NOSIP: variants seen among roughly 807,000 people sequenced by gnomAD.
NOSIP encodes the protein nitric oxide synthase interacting protein, also known as nitric oxide synthase-interacting protein.
In NOSIP, 25 loss-of-function variants were observed where a neutral mutation model predicts 36.4. The ratio of observed to expected loss-of-function variants is 0.69; its 90% CI spans 0.50 to 0.96. The LOEUF is 0.96. Ranked by LOEUF, NOSIP falls within the 40% of genes least tolerant of loss-of-function variation. The pLI, the probability that NOSIP is intolerant of heterozygous loss-of-function variation, is 0.00. For synonymous variants in NOSIP, 187 were observed against 179.2 expected, an observed-to-expected ratio of 1.04 and a Z score of -0.35; for missense variants, 370 against 429.0, an observed-to-expected ratio of 0.86 and a Z score of 1.21.
chr19:49,562,634 A>G (rs917043961), intron 1 of NOSIP, among the ~76,000 whole-genome samples: 7 of 152,116 alleles, frequency 4.6e-5, no homozygotes, highest in African/African-American at 1.7e-4. Context: ...TAATCCCAGC[A>G]CTTTGGGAAG....
chr19:49,568,440 C>T (rs73934007), intron 1 of NOSIP, among the ~76,000 whole-genome samples: 16,755 of 144,546 alleles, frequency 0.12, 2,462 homozygotes, highest in African/African-American at 0.33. Flanking sequence ...TGTGTATTCC[C>T]ACACACACAC....
At chr19:49,579,792 A>G (rs1396571796) in intron 1 of NOSIP, among the ~76,000 whole-genome samples, 1 of 152,204 alleles carries the variant, frequency 6.6e-6, no homozygotes, top group Non-Finnish European at 1.5e-5. Flanking sequence ...TTAAAAAAAT[A>G]CAGCAAGTAT....
rs370113967 is a variant in NOSIP, at chr19:49,555,560, G to C, written c.*191C>G. On this transcript the variant is annotated 3_prime_UTR_variant, in exon 9 of 9. Transcript: ENST00000596358. ...AGGCGTGAGCCACCGTGCCTGGCCA[G>C]ATTTTGTTCTTAATGTGAGACCACA... Among the ~76,000 whole-genome samples the C allele has an allele frequency of 1.8e-4, 28 of 152,298 alleles. No individual in the cohort carries two copies. The highest frequency in any genetic ancestry group is 1.3e-3 in the Admixed American group (20 of 15,288).
chr19:49,555,832 G>A lies in NOSIP; in HGVS notation c.835-10C>T, dbSNP rs766703408. 2 of 1,611,966 alleles carry A rather than the reference G, an allele frequency of 1.2e-6. No homozygotes were observed. Among genetic ancestry groups the A allele is most frequent in the Non-Finnish European group, 1.7e-6 (2 of 1,178,630 alleles). ...CGAAGCCGGTACCGCCCTGGGGGAG[G>A]TAGAGAGAAGGACGAGGTAGAGGCC... On this transcript the variant is annotated splice_polypyrimidine_tract_variant and intron_variant, in intron 8 of 8. Coordinates refer to ENST00000596358, the MANE Select transcript of NOSIP (RefSeq NM_001270960.2).
intron 4 of NOSIP, chr19:49,558,554 C>G: frequency 4.5e-6 from 1 of 220,302 alleles, no homozygotes; most frequent in Middle Eastern, 1.7e-3. Flanking sequence ...CCACCACCCC[C>G]GACCCATTTA....
intron 1 of NOSIP, among the ~76,000 whole-genome samples, chr19:49,571,839 G>T (rs565278868): frequency 7.4e-4 from 113 of 151,822 alleles, no homozygotes; most frequent in Admixed American, 1.6e-3. Flanking sequence ...ACAAAAATTA[G>T]CTGGGTGTGT....
intron 1 of NOSIP, among the ~76,000 whole-genome samples, chr19:49,573,407 C>T (rs150983984): frequency 2.0e-5 from 3 of 152,290 alleles, no homozygotes; most frequent in Non-Finnish European, 4.4e-5. Flanking sequence ...GAGCTACCTC[C>T]GTTACAGCCC....
At position 49,556,572 on chromosome 19, in the gene NOSIP, GGTGGC is replaced by G. The variant is rs1568720484; in HGVS notation, c.697_701del (p.Ala233ProfsTer120). 6.2e-7 allele frequency: 1 copy of G among 1,606,120 alleles called. No homozygotes were observed. Among genetic ancestry groups the G allele is most frequent in the Admixed American group, 1.7e-5 (1 of 59,976 alleles). ...ACGAGGGCCGCAGCACAGCGCAGGG[GGTGGC>G]GTTGCTCAGGCTGTCGCGGGTCACG... On this transcript the variant is annotated frameshift_variant, in exon 7 of 9. Transcript: ENST00000596358. LOFTEE classifies it high-confidence loss of function.
intron 1 of NOSIP, among the ~76,000 whole-genome samples, chr19:49,575,948 G>T (rs527567706): frequency 6.6e-6 from 1 of 152,182 alleles, no homozygotes; most frequent in East Asian, 1.9e-4. Context: ...TGACTAACAC[G>T]GTGAAACCCC....
chr19:49,556,643 G>T lies in NOSIP; in HGVS notation c.631C>A (p.Arg211Ser). Residue 211 changes from arginine to serine, a missense_variant, in exon 7 of 9, where the codon CGC becomes AGC. Around this residue, in one of 3 missense-constraint regions of NOSIP, gnomAD observed 315 missense variants for 331.9 expected, o/e 0.95. Transcript: ENST00000596358. The stretch of plus-strand genomic sequence containing the variant: ...TCGCTGCGGGTGATGAGCCCCACGC[G>T]GTCCACGGAGCTGTCTAGCGGTGTG... ...HFTPLDSSVDRVGLITRSERY... is the reference protein window; with the variant it reads ...HFTPLDSSVDSVGLITRSERY... 6.2e-7 allele frequency: 1 copy of T among 1,610,654 alleles called. No individual in the cohort carries two copies.
At chr19:49,563,429 C>T (rs2080361506) in intron 1 of NOSIP, among the ~76,000 whole-genome samples, 1 of 151,980 alleles carries the variant, frequency 6.6e-6, no homozygotes, top group Admixed American at 6.6e-5. Flanking sequence ...CCTGGCCTCC[C>T]AAAGTGTTGG....
intron 1 of NOSIP, among the ~76,000 whole-genome samples, chr19:49,569,686 T>C (rs576701508): frequency 6.6e-6 from 1 of 151,776 alleles, no homozygotes; most frequent in Non-Finnish European, 1.5e-5. Flanking sequence ...CAGGCGCCTG[T>C]AATCTCAGCT....
chr19:49,558,789 G>A, intron 4 of NOSIP, 108 bp downstream of exon 4: 5 of 906,630 alleles, frequency 5.5e-6, no homozygotes, highest in Non-Finnish European at 9.1e-6. Context: ...GGGGAATGGT[G>A]TACCAGGCAG....
At chr19:49,578,810 C>G (rs1176654544) in intron 1 of NOSIP, among the ~76,000 whole-genome samples, 1 of 151,786 alleles carries the variant, frequency 6.6e-6, no homozygotes, top group African/African-American at 2.4e-5. Context: ...TCATGCCCGG[C>G]TAAGGGGTTT....
In NOSIP at chr19:49,555,825, G is replaced by C. The variant is rs796399047; in HGVS notation, c.835-3C>G. 3 of 1,612,278 alleles carry C rather than the reference G, an allele frequency of 1.9e-6. No individual in the cohort carries two copies. The highest frequency in any genetic ancestry group is 1.3e-5 in the African/African-American group (1 of 74,976). Reference sequence around the variant, plus strand: ...GAGCCCGCGAAGCCGGTACCGCCCTGGGGGAGGTAGAGAGAAGGACGAGGT... The same window carrying C: ...GAGCCCGCGAAGCCGGTACCGCCCTCGGGGAGGTAGAGAGAAGGACGAGGT... On this transcript the variant is annotated splice_polypyrimidine_tract_variant and splice_region_variant and intron_variant, in intron 8 of 8. Transcript: ENST00000596358.
chr19:49,561,241 T>C (rs1000546902), intron 1 of NOSIP, among the ~76,000 whole-genome samples: 2 of 152,180 alleles, frequency 1.3e-5, no homozygotes, highest in East Asian at 3.8e-4. Flanking sequence ...GCTGTGATTA[T>C]GTCTCAGATC....
rs530379193 is a variant in NOSIP, at chr19:49,559,916, T to A, written c.176+18A>T. ...TGCTCTCCCCACCCAGACCTACCCA[T>A]CCCTGTTCCCAGCTCACGTGACAAC... On this transcript the variant is annotated intron_variant, in intron 3 of 8. Coordinates refer to ENST00000596358, the MANE Select transcript of NOSIP (RefSeq NM_001270960.2). 1.9e-6 allele frequency: 3 copies of A among 1,589,596 alleles called. No individual in the cohort carries two copies. The African/African-American group carries it at 4.0e-5, about 21-fold the overall frequency.
intron 1 of NOSIP, among the ~76,000 whole-genome samples, chr19:49,575,953 A>C (rs2080546965): frequency 6.6e-6 from 1 of 152,056 alleles, no homozygotes; most frequent in Non-Finnish European, 1.5e-5. Context: ...AACACGGTGA[A>C]ACCCCGTCTC....
At chr19:49,576,589 G>GAA (rs968669779) in intron 1 of NOSIP, among the ~76,000 whole-genome samples, 1 of 145,082 alleles carries the variant, frequency 6.9e-6, no homozygotes. Flanking sequence ...TGTCTCTGGG[G>GAA]AAAAAAAAAA....
Sources: gnomAD v4.1 joint callset for allele counts (sites outside exome capture counted in the v4.1 genomes callset) on GRCh38, gnomAD v4.1.1 for gene constraint, gnomAD v4.1.1 regional missense constraint, MANE v1.5 for transcripts, NCBI Gene and HGNC (gene_info 2026-07-23, HGNC 2026-07-21) for gene names.